UNC5B: variants seen among roughly 807,000 people sequenced by gnomAD.
UNC5B encodes unc-5 netrin receptor B, also known as netrin receptor UNC5B.
Under a neutral mutation model 103.7 loss-of-function variants are expected in UNC5B, and 56 were observed. The ratio of observed to expected loss-of-function variants is 0.54; its 90% CI spans 0.44 to 0.67. UNC5B has a LOEUF of 0.67. Among genes scored for constraint, UNC5B ranks in the 30% least tolerant of loss-of-function variants. The probability of loss-of-function intolerance (pLI) is 0.00; values close to 1 mark genes in which losing one functional copy is unlikely to be tolerated. For missense variants in UNC5B, 1,194 were observed against 1,284.5 expected, an observed-to-expected ratio of 0.93 and a Z score of 1.08; for synonymous variants, 577 against 542.0, an observed-to-expected ratio of 1.06 and a Z score of -0.90.
At chr10:71,259,147 T>A (rs1844357351) in intron 1 of UNC5B, among the ~76,000 whole-genome samples, 1 of 152,186 alleles carries the variant, frequency 6.6e-6, no homozygotes, top group African/African-American at 2.4e-5. Context: ...CCCAGCACTT[T>A]GGGAGGCCAA....
chr10:71,255,971 G>A (rs893092456), intron 1 of UNC5B, among the ~76,000 whole-genome samples: 3 of 152,226 alleles, frequency 2.0e-5, no homozygotes, highest in Non-Finnish European at 2.9e-5. Context: ...TGAGTCATAC[G>A]CCCTGGCAGG....
intron 1 of UNC5B, among the ~76,000 whole-genome samples, chr10:71,252,432 C>G (rs1481049877): frequency 6.6e-6 from 1 of 152,174 alleles, no homozygotes; most frequent in African/African-American, 2.4e-5. Context: ...TCTGTGAGAG[C>G]GCTTTCAAAT....
chr10:71,243,555 G>T (rs1843956139), intron 1 of UNC5B, among the ~76,000 whole-genome samples: 1 of 152,244 alleles, frequency 6.6e-6, no homozygotes, highest in South Asian at 2.1e-4. Context: ...AGCTCTGAAG[G>T]CTTCTGGGAA....
At chr10:71,244,011 G>A (rs757746398) in intron 1 of UNC5B, among the ~76,000 whole-genome samples, 1 of 152,186 alleles carries the variant, frequency 6.6e-6, no homozygotes, top group Non-Finnish European at 1.5e-5. Flanking sequence ...TCTGCACCTG[G>A]GTGTGTCTGT....
chr10:71,249,625 C>A (rs1297176941), intron 1 of UNC5B, among the ~76,000 whole-genome samples: 1 of 152,120 alleles, frequency 6.6e-6, no homozygotes, highest in African/African-American at 2.4e-5. Flanking sequence ...CAGGAGAGTC[C>A]CCTGGCATGG....
At chr10:71,218,420 T>G (rs1352862404) in intron 1 of UNC5B, among the ~76,000 whole-genome samples, 2 of 152,198 alleles carry the variant, frequency 1.3e-5, no homozygotes, top group Non-Finnish European at 2.9e-5. Context: ...GGATTCCACT[T>G]CAGGATGGGA....
chr10:71,279,161 G>A (rs577927098), intron 1 of UNC5B, among the ~76,000 whole-genome samples: 1 of 152,358 alleles, frequency 6.6e-6, no homozygotes, highest in Admixed American at 6.5e-5. Flanking sequence ...GCCAAGGGAT[G>A]GGTGAGAGCC....
chr10:71,261,418 C>T (rs1214619729), intron 1 of UNC5B, among the ~76,000 whole-genome samples: 5 of 152,210 alleles, frequency 3.3e-5, no homozygotes, highest in South Asian at 2.1e-4. Context: ...AGCCCTTGCA[C>T]ACTCTAATAT....
At chr10:71,283,308 A>G (rs1331499884) in intron 2 of UNC5B, among the ~76,000 whole-genome samples, 1 of 152,210 alleles carries the variant, frequency 6.6e-6, no homozygotes, top group East Asian at 1.9e-4. Flanking sequence ...CTGCCAGAGT[A>G]TATTTGTGTC....
Position 71,293,737 on chromosome 10 carries a change from C to T in UNC5B, c.1979C>T (p.Pro660Leu), listed in dbSNP as rs1247750223. 6.3e-7 allele frequency: 1 copy of T among 1,591,848 alleles called. No individual in the cohort carries two copies. The highest frequency in any genetic ancestry group is 8.6e-7 in the Non-Finnish European group (1 of 1,168,900). Residue 660 changes from proline to leucine, a missense_variant, in exon 13 of 17, where the codon CCC (proline) becomes CTC (leucine). By Grantham distance (98) the Pro-to-Leu change is moderately conservative. Coordinates refer to ENST00000335350, the MANE Select transcript of UNC5B (RefSeq NM_170744.5). Reference sequence around the variant, plus strand: ...CTGGATGAGGAGACCCTGAACACACCCTGCTACTGCCAGCTGGAGCCCAGG... The same window carrying T: ...CTGGATGAGGAGACCCTGAACACACTCTGCTACTGCCAGCTGGAGCCCAGG... ...VTLDEETLNT[P>L]CYCQLEPRAC... is the part of the protein sequence containing the mutation.
intron 1 of UNC5B, among the ~76,000 whole-genome samples, chr10:71,277,219 G>A (rs906628601): frequency 7.2e-5 from 11 of 152,254 alleles, no homozygotes; most frequent in African/African-American, 2.7e-4. Context: ...GGGTGGTGCG[G>A]TTAGAAGATG....
At chr10:71,239,065 G>T (rs1843832690) in intron 1 of UNC5B, among the ~76,000 whole-genome samples, 1 of 152,114 alleles carries the variant, frequency 6.6e-6, no homozygotes, top group Non-Finnish European at 1.5e-5. Context: ...GTGGAAGAGA[G>T]GGTGGGTTCA....
At chr10:71,229,190 C>G (rs1843632192) in intron 1 of UNC5B, among the ~76,000 whole-genome samples, 1 of 152,232 alleles carries the variant, frequency 6.6e-6, no homozygotes, top group African/African-American at 2.4e-5. Flanking sequence ...GGCCAGTCAG[C>G]CAGCCTCAGT....
chr10:71,284,114 G>A (rs778713459), intron 2 of UNC5B, among the ~76,000 whole-genome samples: 6 of 152,208 alleles, frequency 3.9e-5, no homozygotes, highest in African/African-American at 1.2e-4. Context: ...ACGAACTTCC[G>A]GGCACAGTGG....
At chr10:71,267,169 T>C (rs988439737) in intron 1 of UNC5B, among the ~76,000 whole-genome samples, 3 of 152,180 alleles carry the variant, frequency 2.0e-5, no homozygotes, top group Non-Finnish European at 2.9e-5. Context: ...CTTCTGACTT[T>C]GGTGTTTCCA....
chr10:71,245,351 G>A (rs1052317041), intron 1 of UNC5B, among the ~76,000 whole-genome samples: 28 of 152,146 alleles, frequency 1.8e-4, no homozygotes, highest in African/African-American at 6.5e-4. Context: ...ACCTACATTC[G>A]CGTTTACCGT....
Position 71,290,903 on chromosome 10 carries a change from C to T in UNC5B, c.1100-12C>T. 1 of 1,605,552 alleles carries T rather than the reference C, an allele frequency of 6.2e-7. No individual in the cohort carries two copies. Among genetic ancestry groups the T allele is most frequent in the South Asian group, 1.1e-5 (1 of 90,436 alleles). On this transcript the variant is annotated splice_polypyrimidine_tract_variant and intron_variant, in intron 8 of 16. Transcript: ENST00000335350. The stretch of plus-strand genomic sequence containing the variant: ...CTCTGCTGCCCCTTATGTGGTCCTC[C>T]TGTCCCCGCAGTGCTGGAGGCCTCA...
chr10:71,266,759 C>T (rs910391674), intron 1 of UNC5B, among the ~76,000 whole-genome samples: 1 of 152,218 alleles, frequency 6.6e-6, no homozygotes, highest in East Asian at 1.9e-4. Context: ...TCCCCCCTTA[C>T]TCGAGGTCTC....
intron 1 of UNC5B, among the ~76,000 whole-genome samples, chr10:71,269,283 G>A (rs1033332148): frequency 1.1e-4 from 16 of 148,626 alleles, no homozygotes; most frequent in Non-Finnish European, 1.9e-4. Context: ...TACTACCTTT[G>A]TAATCAGAAT....
Sources: allele counts gnomAD v4.1 joint callset (sites outside exome capture counted in the v4.1 genomes callset), GRCh38; gene constraint gnomAD v4.1.1; transcripts MANE v1.5; gene names NCBI Gene and HGNC (gene_info 2026-07-23, HGNC 2026-07-21).